ZNF827: variants seen among roughly 807,000 people sequenced by gnomAD.
The protein encoded by ZNF827 is zinc finger protein 827.
In ZNF827, 13 loss-of-function variants were observed where a neutral mutation model predicts 102.4. That is an observed-to-expected ratio of 0.13 (90% confidence interval 0.08 to 0.20). The LOEUF (loss-of-function observed/expected upper bound fraction) is 0.20, where lower values mean the gene tolerates loss of function less well. Ranked by LOEUF, ZNF827 falls within the 10% of genes least tolerant of loss-of-function variation. The pLI, the probability that ZNF827 is intolerant of heterozygous loss-of-function variation, is 1.00. For synonymous variants in ZNF827, 523 were observed against 536.2 expected, an observed-to-expected ratio of 0.98 and a Z score of 0.34; for missense variants, 1,103 against 1,344.4, an observed-to-expected ratio of 0.82 and a Z score of 2.81.
At chr4:145,837,397 A>G (rs947214751) in intron 7 of ZNF827, among the ~76,000 whole-genome samples, 1 of 152,132 alleles carries the variant, frequency 6.6e-6, no homozygotes, top group Non-Finnish European at 1.5e-5. Context: ...AGCCCATTTA[A>G]GCTCCTGTAT....
intron 7 of ZNF827, among the ~76,000 whole-genome samples, chr4:145,837,600 A>C (rs564526267): frequency 5.9e-5 from 9 of 152,286 alleles, no homozygotes; most frequent in African/African-American, 2.2e-4. Context: ...CCAAGGCATC[A>C]CAGCTGATAT....
At position 145,761,699 on chromosome 4, in the gene ZNF827, G is replaced by T; in HGVS notation, c.*18-101C>A. 2 of 743,582 alleles carry T rather than the reference G, an allele frequency of 2.7e-6. No individual in the cohort carries two copies. The highest frequency in any genetic ancestry group is 6.6e-5 in the East Asian group (1 of 15,068). 46.1% of individuals were successfully genotyped at this position (743,582 alleles called of 1,614,324 possible). A position where few individuals can be genotyped will look rare whatever the true frequency, so the allele number is the denominator to read the frequency against. On this transcript the variant is annotated intron_variant, in intron 14 of 14. Coordinates refer to ENST00000508784, the MANE Select transcript of ZNF827 (RefSeq NM_001306215.2). This position sits in a 1 kb window ranked among gnomAD's most constrained non-coding sequence, Gnocchi z 6.8. ...GCCTTCCCTCACACCACCCCCCAGT[G>T]TCTGAGGCCTGGCCTGCCCAGCCCA...
intron 4 of ZNF827, among the ~76,000 whole-genome samples, chr4:145,884,738 G>C (rs1435387393): frequency 1.3e-5 from 2 of 152,026 alleles, no homozygotes; most frequent in African/African-American, 4.8e-5. Flanking sequence ...GATAAAAAAA[G>C]AAACATCATG....
At chr4:145,771,854 A>AT (rs1025612826) in intron 11 of ZNF827, among the ~76,000 whole-genome samples, 26 of 152,236 alleles carry the variant, frequency 1.7e-4, no homozygotes, top group African/African-American at 6.0e-4. Context: ...CTGAAATAAT[A>AT]GGGGCCTTTT....
At chr4:145,874,611 C>T (rs1024132435) in intron 4 of ZNF827, among the ~76,000 whole-genome samples, 10 of 152,132 alleles carry the variant, frequency 6.6e-5, no homozygotes, top group African/African-American at 2.4e-4. Flanking sequence ...AAGATGTTTT[C>T]TTTTTCTTTG....
chr4:145,785,135 G>A (rs531661554), intron 8 of ZNF827, among the ~76,000 whole-genome samples: 6 of 152,280 alleles, frequency 3.9e-5, no homozygotes, highest in African/African-American at 1.4e-4. Context: ...GGCTAGAAAA[G>A]TAGGAACACA....
At chr4:145,916,492 T>C (rs377699208) in intron 1 of ZNF827, among the ~76,000 whole-genome samples, 8 of 152,056 alleles carry the variant, frequency 5.3e-5, no homozygotes, top group African/African-American at 1.9e-4. Context: ...CCCCAGGCCT[T>C]GGCACTCTGG....
chr4:145,847,407 A>AT (rs1352045004), intron 6 of ZNF827, among the ~76,000 whole-genome samples: 1 of 152,192 alleles, frequency 6.6e-6, no homozygotes, highest in African/African-American at 2.4e-5. Context: ...TCTGACTTTG[A>AT]TGACAACCTT....
chr4:145,903,925 A>G (rs191169287), intron 1 of ZNF827, among the ~76,000 whole-genome samples: 122 of 152,316 alleles, frequency 8.0e-4, no homozygotes, highest in Admixed American at 1.0e-3. Context: ...CTCCCATGTT[A>G]TGCATGCTAC....
At chr4:145,826,466 C>A (rs1743689055) in intron 7 of ZNF827, among the ~76,000 whole-genome samples, 3 of 152,010 alleles carry the variant, frequency 2.0e-5, no homozygotes, top group East Asian at 1.9e-4. Flanking sequence ...TTATAGTAGT[C>A]CCCCCTTACC....
Position 145,898,279 on chromosome 4 carries a change from A to G in ZNF827, c.1093+3887T>C, listed in dbSNP as rs1215461317. Among the ~76,000 whole-genome samples the G allele has an allele frequency of 3.9e-5, 6 of 152,240 alleles. No individual in the cohort carries two copies. In the East Asian group the frequency reaches 1.2e-3, roughly 29 times the overall value. ...ACATCACATAAATATTAAAGAAAAC[A>G]GCAGCCAGAAACCCCCTATGTATTG... On this transcript the variant is annotated intron_variant, in intron 2 of 14. Coordinates refer to ENST00000508784, the MANE Select transcript of ZNF827 (RefSeq NM_001306215.2).
intron 5 of ZNF827, among the ~76,000 whole-genome samples, chr4:145,862,763 TTAAA>T (rs1747852869): frequency 6.6e-6 from 1 of 152,192 alleles, no homozygotes; most frequent in Non-Finnish European, 1.5e-5. Context: ...TCTCTGAAAA[TTAAA>T]TAGCACTATG....
chr4:145,878,102 T>A (rs1044533753), intron 4 of ZNF827, among the ~76,000 whole-genome samples: 49 of 152,300 alleles, frequency 3.2e-4, no homozygotes, highest in African/African-American at 1.1e-3. Flanking sequence ...ATGCTGACAT[T>A]CTTATTTACA....
chr4:145,773,400 A>G (rs1465959948), intron 11 of ZNF827, among the ~76,000 whole-genome samples: 1 of 152,206 alleles, frequency 6.6e-6, no homozygotes, highest in Non-Finnish European at 1.5e-5. Context: ...CCAGAGAAAC[A>G]CAGAGAGATC....
At chr4:145,932,445 G>T (rs1470661063) in intron 1 of ZNF827, among the ~76,000 whole-genome samples, 1 of 151,270 alleles carries the variant, frequency 6.6e-6, no homozygotes, top group Admixed American at 6.6e-5. Flanking sequence ...TTTTCTACAA[G>T]AACATGTTGA....
Position 145,761,382 on chromosome 4 carries a change from G to A in ZNF827, c.*234C>T, listed in dbSNP as rs1049304017. On this transcript the variant is annotated 3_prime_UTR_variant, in exon 15 of 15. Coordinates refer to ENST00000508784, the MANE Select transcript of ZNF827 (RefSeq NM_001306215.2). The surrounding 1 kb of genome is among the most constrained non-coding windows in gnomAD (Gnocchi z 6.8). ...GCCGCTCCCCGGTGTGGACGCGCAC[G>A]TGCTCGATGAGCTTGTTGGCGGTCT... 3.9e-6 allele frequency: 5 copies of A among 1,289,798 alleles called. No individual in the cohort carries two copies. Among genetic ancestry groups the A allele is most frequent in the Non-Finnish European group, 4.0e-6 (4 of 988,888 alleles). 79.9% of individuals were successfully genotyped at this position (1,289,798 alleles called of 1,614,324 possible). A position where few individuals can be genotyped will look rare whatever the true frequency, so the allele number is the denominator to read the frequency against.
At chr4:145,934,398 T>C (rs542878346) in intron 1 of ZNF827, among the ~76,000 whole-genome samples, 36 of 152,208 alleles carry the variant, frequency 2.4e-4, no homozygotes, top group Admixed American at 8.5e-4. Flanking sequence ...GAAATGGCTG[T>C]GTAGAATTTT....
intron 8 of ZNF827, 130 bp from the exon 9 acceptor site, chr4:145,779,641 T>A: frequency 3.9e-6 from 5 of 1,275,370 alleles, no homozygotes; most frequent in Non-Finnish European, 5.3e-6. Context: ...TGAGTCTCCG[T>A]AACTGGTTTT....
intron 2 of ZNF827, 108 bp from the exon 3 acceptor site, chr4:145,892,523 G>C (rs1579495339): frequency 8.1e-7 from 1 of 1,233,866 alleles, no homozygotes; most frequent in Non-Finnish European, 1.1e-6. Flanking sequence ...AATGATTTGG[G>C]TTTTTTTCTT....
Sources: gnomAD v4.1 joint callset for allele counts (sites outside exome capture counted in the v4.1 genomes callset) on GRCh38, gnomAD v4.1.1 for gene constraint, Gnocchi (gnomAD v3.1) non-coding constraint, MANE v1.5 for transcripts, NCBI Gene and HGNC (gene_info 2026-07-23, HGNC 2026-07-21) for gene names.